ANXA8: variants seen among roughly 807,000 people sequenced by gnomAD.
ANXA8 encodes VAC-beta.
Under a neutral mutation model 26.8 loss-of-function variants are expected in ANXA8, and 9 were observed. The observed-to-expected ratio is 0.34, with a 90% CI of 0.20 to 0.59. The LOEUF is 0.59. Ranked by LOEUF, ANXA8 falls within the 20% of genes least tolerant of loss-of-function variation. The pLI is 0.84. For synonymous variants in ANXA8, 39 were observed against 94.8 expected (o/e 0.41, Z 3.42); for missense variants, 83 against 238.5 (o/e 0.35, Z 4.29).
the ANXA8 span, among the ~76,000 whole-genome samples, chr10:47,623,777 A>G: frequency 9.1e-6 from 1 of 110,126 alleles, no homozygotes; most frequent in African/African-American, 3.5e-5. Context: ...GTTGCATTTC[A>G]GTTTCTTCAG....
At chr10:47,959,761 G>A in the ANXA8 span, among the ~76,000 whole-genome samples, 1 of 149,968 alleles carries the variant, frequency 6.7e-6, no homozygotes, top group Non-Finnish European at 1.5e-5. Flanking sequence ...GAGAGGTGGG[G>A]TCTCTGTCCC....
At chr10:47,892,206 T>TGTTTATAAAGC in the ANXA8 span, among the ~76,000 whole-genome samples, 1 of 56,504 alleles carries the variant, frequency 1.8e-5, no homozygotes, top group African/African-American at 7.5e-5. Context: ...GAGCATCACA[T>TGTTTATAAAGC]ATTACTATGT....
At chr10:47,897,104 G>GT in the ANXA8 span, among the ~76,000 whole-genome samples, 1 of 107,378 alleles carries the variant, frequency 9.3e-6, no homozygotes, top group Admixed American at 9.2e-5. Flanking sequence ...GCTAATTTTT[G>GT]TATTTGCAGT....
chr10:47,503,501 T>A, the ANXA8 span: 1 of 1,606,802 alleles, frequency 6.2e-7, no homozygotes, highest in Non-Finnish European at 8.5e-7. Flanking sequence ...TTATTTAAAC[T>A]CCCACCTCCA....
the ANXA8 span, among the ~76,000 whole-genome samples, chr10:47,920,161 T>C: frequency 2.8e-3 from 188 of 67,066 alleles, 20 homozygotes; most frequent in East Asian, 0.041. Context: ...GCCTTCGAGA[T>C]CTGGTTCCTA....
At chr10:47,563,957 T>C in the ANXA8 span, among the ~76,000 whole-genome samples, 1 of 148,766 alleles carries the variant, frequency 6.7e-6, no homozygotes, top group Admixed American at 6.7e-5. Context: ...AAGACCAAAT[T>C]ATAGTAGAAG....
At chr10:47,727,007 G>A in the ANXA8 span, 1 of 1,292,226 alleles carries the variant, frequency 7.7e-7, no homozygotes, top group East Asian at 2.3e-5. Flanking sequence ...GAGTATAAAT[G>A]GTATATCAGA....
chr10:47,503,937 CAAAAAAAAAAA>C, the ANXA8 span, among the ~76,000 whole-genome samples: 3 of 23,438 alleles, frequency 1.3e-4, no homozygotes, highest in African/African-American at 4.2e-4. Context: ...GAGAGTCCAT[CAAAAAAAAAAA>C]AAAAAAAAAA....
the ANXA8 span, among the ~76,000 whole-genome samples, chr10:47,489,343 C>T: frequency 7.3e-5 from 11 of 149,692 alleles, no homozygotes; most frequent in Non-Finnish European, 1.5e-4. Flanking sequence ...TCCCAGTGTG[C>T]TGTCACATAG....
chr10:47,928,748 C>CT, the ANXA8 span, among the ~76,000 whole-genome samples: 9 of 96,028 alleles, frequency 9.4e-5, no homozygotes, highest in South Asian at 3.8e-4. Flanking sequence ...TTCTCTCTCT[C>CT]TCTTTTTTTT....
At chr10:47,954,196 A>G in the ANXA8 span, among the ~76,000 whole-genome samples, 3 of 150,672 alleles carry the variant, frequency 2.0e-5, no homozygotes, top group African/African-American at 7.4e-5. Context: ...TATACGATGG[A>G]GTACGATTCA....
the ANXA8 span, chr10:47,496,327 A>G: frequency 6.6e-6 from 1 of 151,940 alleles, no homozygotes; most frequent in African/African-American, 2.4e-5. Flanking sequence ...ACTTAATAGT[A>G]TAATGTCCAT....
chr10:47,590,095 A>C, the ANXA8 span: 1 of 146,072 alleles, frequency 6.8e-6, no homozygotes, highest in African/African-American at 2.8e-5. Flanking sequence ...ACAATCATTC[A>C]GGAATTTTAG....
At chr10:47,555,444 C>T in the ANXA8 span, among the ~76,000 whole-genome samples, 1 of 151,696 alleles carries the variant, frequency 6.6e-6, no homozygotes, top group Non-Finnish European at 1.5e-5. Flanking sequence ...TAGTCTGTGC[C>T]TGGTTACTCC....
the ANXA8 span, among the ~76,000 whole-genome samples, chr10:47,552,326 A>G: frequency 6.6e-6 from 1 of 151,228 alleles, no homozygotes; most frequent in African/African-American, 2.4e-5. Context: ...ATGAATTCTT[A>G]ATTAATTTCA....
At chr10:47,971,072 C>G in the ANXA8 span, among the ~76,000 whole-genome samples, 3 of 151,426 alleles carry the variant, frequency 2.0e-5, no homozygotes, top group Non-Finnish European at 4.4e-5. Flanking sequence ...CTCTGATTCT[C>G]AAATGCTCGG....
chr10:47,551,685 G>A, the ANXA8 span: 2 of 194,330 alleles, frequency 1.0e-5, no homozygotes, highest in African/African-American at 4.7e-5. Flanking sequence ...ACCTGTGAGA[G>A]GCTCCTAACT....
chr10:47,595,278 G>T, the ANXA8 span, among the ~76,000 whole-genome samples: 4 of 147,576 alleles, frequency 2.7e-5, no homozygotes, highest in Admixed American at 1.3e-4. Flanking sequence ...TCTAAATGTG[G>T]ACATGAAAGA....
chr10:47,683,324 G>C, the ANXA8 span, among the ~76,000 whole-genome samples: 15 of 149,548 alleles, frequency 1.0e-4, no homozygotes, highest in East Asian at 2.8e-3. Context: ...CGCCTCCCTG[G>C]TTCACGCCAT....
Sources: gnomAD v4.1 joint callset for allele counts (sites outside exome capture counted in the v4.1 genomes callset) on GRCh38, gnomAD v4.1.1 for gene constraint, MANE v1.5 for transcripts, NCBI Gene and HGNC (gene_info 2026-07-23, HGNC 2026-07-21) for gene names.